The following CTDP1 variants were observed in gnomAD, a reference collection of about 807,000 sequenced individuals.
CTDP1 encodes the protein RNA polymerase II subunit A C-terminal domain phosphatase.
Under a neutral mutation model 91.8 loss-of-function variants are expected in CTDP1, and 47 were observed. The observed-to-expected ratio is 0.51, with a 90% CI of 0.41 to 0.65. The LOEUF is 0.65. Among genes scored for constraint, CTDP1 ranks in the 30% least tolerant of loss-of-function variants. The pLI is 0.00. For synonymous variants in CTDP1, 656 were observed against 598.5 expected, an observed-to-expected ratio of 1.10 and a Z score of -1.40; for missense variants, 1,272 against 1,373.7, an observed-to-expected ratio of 0.93 and a Z score of 1.17.
chr18:79,690,577 CT>C (rs1429696629), intron 1 of CTDP1, among the ~76,000 whole-genome samples: 1 of 152,198 alleles, frequency 6.6e-6, no homozygotes, highest in Non-Finnish European at 1.5e-5. Context: ...CTTTTCACCC[CT>C]GTTTTCTGTC....
chr18:79,704,892 C>G lies in CTDP1; in HGVS notation c.747C>G (p.Ser249Arg), dbSNP rs2085935288. Residue 249 changes from serine (S) to arginine (R), a missense_variant, in exon 5 of 13, where the codon AGC becomes AGG. Transcript: ENST00000613122. ...AGCTGCACGTCTTCACCTTCGGCAG[C>G]CGGCTGTACGCACACACCATCGCAG... ...LYELHVFTFG[S>R]RLYAHTIAGF... 6.2e-7 allele frequency: 1 copy of G among 1,613,386 alleles called. No individual in the cohort carries two copies. The highest frequency in any genetic ancestry group is 1.1e-5 in the South Asian group (1 of 91,092).
intron 1 of CTDP1, among the ~76,000 whole-genome samples, chr18:79,681,886 T>C (rs746745538): frequency 2.6e-5 from 4 of 152,188 alleles, no homozygotes; most frequent in Non-Finnish European, 5.9e-5. Context: ...TCCCCGTTTC[T>C]GTGTACTCCT....
At chr18:79,738,173 G>A (rs925982596) in intron 12 of CTDP1, among the ~76,000 whole-genome samples, 18 of 152,314 alleles carry the variant, frequency 1.2e-4, no homozygotes, top group East Asian at 3.9e-4. Context: ...AGCGGGCTGC[G>A]TAACCCCAGG....
intron 5 of CTDP1, 126 bp from the exon 6 acceptor site, chr18:79,710,220 T>C: frequency 1.3e-6 from 1 of 795,256 alleles, no homozygotes; most frequent in South Asian, 1.3e-5. Context: ...AGGGATGAAG[T>C]GTTTGGTGCC....
chr18:79,699,532 G>C (rs567386079), intron 4 of CTDP1, among the ~76,000 whole-genome samples: 1 of 151,850 alleles, frequency 6.6e-6, no homozygotes, highest in South Asian at 2.1e-4. Flanking sequence ...CAAAGTGCTG[G>C]GATTACAGGC....
intron 10 of CTDP1, among the ~76,000 whole-genome samples, chr18:79,721,085 C>T (rs1051788267): frequency 3.3e-5 from 5 of 152,168 alleles, no homozygotes; most frequent in African/African-American, 1.2e-4. Flanking sequence ...TCATCTGTGG[C>T]GAAGGCATAG....
intron 12 of CTDP1, among the ~76,000 whole-genome samples, chr18:79,749,075 T>A (rs2086941034): frequency 6.6e-6 from 1 of 152,232 alleles, no homozygotes; most frequent in African/African-American, 2.4e-5. Context: ...TCTGGGTGTT[T>A]TTGTCGGCCT....
chr18:79,736,588 G>A lies in CTDP1; in HGVS notation c.2747+67G>A. 4.2e-6 allele frequency: 6 copies of A among 1,421,528 alleles called. No individual in the cohort carries two copies. The South Asian group carries it at 7.0e-5, about 17-fold the overall frequency. 88.1% of individuals were successfully genotyped at this position (1,421,528 alleles called of 1,614,324 possible). ...CCCGGAGGTGACTCTGCAGTTGGTG[G>A]GCCGCCTACCTGCATCTCATTCTTC... On this transcript the variant is annotated intron_variant, in intron 12 of 12. Transcript: ENST00000613122.
chr18:79,704,701 C>A (rs1451557843), intron 4 of CTDP1, 66 bp from the exon 5 acceptor site: 2 of 1,600,314 alleles, frequency 1.2e-6, no homozygotes, highest in East Asian at 2.2e-5. Flanking sequence ...CTCGGGCACA[C>A]AGGTTGCGGG....
At chr18:79,698,088 AG>A (rs2085784386) in intron 4 of CTDP1, 100 bp downstream of exon 4, 6 of 1,521,750 alleles carry the variant, frequency 3.9e-6, no homozygotes, top group Non-Finnish European at 5.4e-6. Context: ...GATTTCCCGT[AG>A]GTCAGCCTGG....
At chr18:79,749,903 C>A (rs1412352843) in intron 12 of CTDP1, 1 of 152,282 alleles carries the variant, frequency 6.6e-6, no homozygotes, top group Non-Finnish European at 1.5e-5. Flanking sequence ...TTGTTAATTG[C>A]CAAAAGCTTG....
chr18:79,749,538 G>A (rs1390576908), intron 12 of CTDP1, among the ~76,000 whole-genome samples: 2 of 147,914 alleles, frequency 1.4e-5, no homozygotes, highest in South Asian at 4.4e-4. Context: ...GCCCCCTCCT[G>A]GACTTGGTGA....
chr18:79,720,529 C>T lies in CTDP1; in HGVS notation c.2417+2513C>T, dbSNP rs537495565. ...CGTGTCCTAGTGATGATGTCACCAC[C>T]CGTCATTAGCGCATTCTGGTGATGA... is the stretch of plus-strand genomic sequence containing the variant. On this transcript the variant is annotated intron_variant, in intron 10 of 12. Coordinates refer to ENST00000613122, the MANE Select transcript of CTDP1 (RefSeq NM_004715.5). Among the ~76,000 whole-genome samples, 25 of 141,670 alleles carry T rather than the reference C, an allele frequency of 1.8e-4. No individual in the cohort carries two copies. In the East Asian group the frequency reaches 5.4e-3, roughly 31 times the overall value. 92.9% of individuals were successfully genotyped at this position (141,670 alleles called of 152,430 possible).
At chr18:79,714,413 G>GGT (rs2086150500) in intron 7 of CTDP1, 78 bp from the exon 8 acceptor site, 7 of 1,519,944 alleles carry the variant, frequency 4.6e-6, no homozygotes, top group Admixed American at 3.4e-5. Context: ...CATGGAGAAG[G>GGT]GTGCTGCTTT....
chr18:79,731,157 G>A (rs1282385673), intron 11 of CTDP1, among the ~76,000 whole-genome samples: 1 of 152,224 alleles, frequency 6.6e-6, no homozygotes. Context: ...GGGACACATG[G>A]GGTGGGGCTG....
chr18:79,728,542 A>G (rs1568207263), intron 10 of CTDP1, among the ~76,000 whole-genome samples: 1 of 152,128 alleles, frequency 6.6e-6, no homozygotes, highest in Non-Finnish European at 1.5e-5. Context: ...TTGAGGGTGA[A>G]TGACATGTCC....
chr18:79,701,219 T>A (rs2085848967), intron 4 of CTDP1, among the ~76,000 whole-genome samples: 1 of 152,116 alleles, frequency 6.6e-6, no homozygotes, highest in African/African-American at 2.4e-5. Flanking sequence ...ATTTAAGAAC[T>A]ACATCTCCTG....
At chr18:79,702,801 A>T (rs1057444) in intron 4 of CTDP1, 18,969 of 152,282 alleles carry the variant, frequency 0.12, 1,549 homozygotes, top group Non-Finnish European at 0.19. Flanking sequence ...AAACCAAAAA[A>T]TTCATGTGAT....
intron 4 of CTDP1, 110 bp downstream of exon 4, chr18:79,698,098 G>A (rs2085784501): frequency 6.7e-7 from 1 of 1,495,890 alleles, no homozygotes; most frequent in East Asian, 2.5e-5. Flanking sequence ...AGGTCAGCCT[G>A]GGTTTGGAAA....
Sources: allele counts gnomAD v4.1 joint callset (sites outside exome capture counted in the v4.1 genomes callset), GRCh38; gene constraint gnomAD v4.1.1; transcripts MANE v1.5; gene names NCBI Gene and HGNC (gene_info 2026-07-23, HGNC 2026-07-21).